Variants in ZSWIM6 observed in about 807,000 individuals in gnomAD.
ZSWIM6 encodes the protein zinc finger SWIM domain-containing protein 6.
Under a neutral mutation model 113.2 loss-of-function variants are expected in ZSWIM6, and 9 were observed. The observed-to-expected ratio is 0.08, with a 90% CI of 0.05 to 0.14. The LOEUF (loss-of-function observed/expected upper bound fraction) is 0.14. ZSWIM6 is among the 10% of genes least tolerant of loss of function. The probability of loss-of-function intolerance (pLI) is 1.00; values close to 1 mark genes in which losing one functional copy is unlikely to be tolerated. For missense variants in ZSWIM6, 1,162 were observed against 1,552.2 expected (o/e 0.75, Z 4.22); for synonymous variants, 611 against 606.5 (o/e 1.01, Z -0.11).
intron 8 of ZSWIM6, 56 bp from the exon 9 acceptor site, chr5:61,531,409 C>G (rs1749425913): frequency 2.0e-6 from 3 of 1,508,140 alleles, no homozygotes; most frequent in Admixed American, 4.2e-5. Context: ...TTGTACTTAT[C>G]ATATCATCTG....
chr5:61,404,337 A>G (rs959690229), intron 1 of ZSWIM6, among the ~76,000 whole-genome samples: 3 of 152,074 alleles, frequency 2.0e-5, no homozygotes, highest in Non-Finnish European at 4.4e-5. Context: ...TTAAATTTTT[A>G]TTTACTTTCC....
intron 1 of ZSWIM6, among the ~76,000 whole-genome samples, chr5:61,444,800 G>C (rs1746915355): frequency 6.6e-6 from 1 of 152,126 alleles, no homozygotes; most frequent in East Asian, 1.9e-4. Flanking sequence ...GGCCTAGAGG[G>C]ATTGAATAGC....
chr5:61,479,232 CT>C (rs1012764743), intron 2 of ZSWIM6, among the ~76,000 whole-genome samples: 14 of 148,150 alleles, frequency 9.4e-5, no homozygotes, highest in Admixed American at 2.7e-4. Flanking sequence ...ACAGGGGATC[CT>C]TTTTTTTTTC....
At chr5:61,391,672 A>G in intron 1 of ZSWIM6, 1 of 1,036,794 alleles carries the variant, frequency 9.6e-7, no homozygotes, top group East Asian at 2.4e-5. Context: ...CTTCTTGTTC[A>G]CCTTGGATCC....
intron 13 of ZSWIM6, among the ~76,000 whole-genome samples, chr5:61,542,569 G>A (rs1309935976): frequency 6.6e-6 from 1 of 152,148 alleles, no homozygotes; most frequent in Non-Finnish European, 1.5e-5. Context: ...GCATCAGAAA[G>A]GGATACATAC....
At chr5:61,333,318 C>G (rs1202817515) in intron 1 of ZSWIM6, among the ~76,000 whole-genome samples, 2 of 151,256 alleles carry the variant, frequency 1.3e-5, no homozygotes, top group Admixed American at 1.3e-4. Context: ...CGGCCTCCGG[C>G]GAGGGTGTGT....
At chr5:61,422,285 G>A (rs1746369101) in intron 1 of ZSWIM6, among the ~76,000 whole-genome samples, 1 of 152,128 alleles carries the variant, frequency 6.6e-6, no homozygotes. Flanking sequence ...TTTTGCATAT[G>A]GATATCTAAT....
intron 1 of ZSWIM6, among the ~76,000 whole-genome samples, chr5:61,358,587 G>A (rs1744969437): frequency 6.6e-6 from 1 of 152,126 alleles, no homozygotes; most frequent in South Asian, 2.1e-4. Flanking sequence ...AAAGTTCTGT[G>A]TTTTCATTCA....
At chr5:61,343,719 TATA>T (rs1268053626) in intron 1 of ZSWIM6, among the ~76,000 whole-genome samples, 1 of 152,178 alleles carries the variant, frequency 6.6e-6, no homozygotes, top group African/African-American at 2.4e-5. Flanking sequence ...TTGTGATTTT[TATA>T]ATAAGTACTT....
Position 61,518,311 on chromosome 5 carries a change from G to C in ZSWIM6, c.1334-2952G>C, listed in dbSNP as rs1354071408. ...TCCTTTGGGTATATACCCACTAATGGGATGGCTGGGTCAAATGGTATTTCT... is the reference window on the plus strand; with the variant it reads ...TCCTTTGGGTATATACCCACTAATGCGATGGCTGGGTCAAATGGTATTTCT... On this transcript the variant is annotated intron_variant, in intron 4 of 13. Transcript: ENST00000252744. Among the ~76,000 whole-genome samples, 14 of 151,732 alleles carry C rather than the reference G, an allele frequency of 9.2e-5. No individual in the cohort carries two copies. The East Asian group carries it at 2.5e-3, about 27-fold the overall frequency.
intron 4 of ZSWIM6, among the ~76,000 whole-genome samples, chr5:61,502,386 G>T (rs1816091): frequency 6.6e-6 from 1 of 152,082 alleles, no homozygotes; most frequent in Non-Finnish European, 1.5e-5. Context: ...TGTCCTTAGA[G>T]GGGGGTGTTC....
intron 1 of ZSWIM6, among the ~76,000 whole-genome samples, chr5:61,433,725 C>T (rs1218557759): frequency 9.9e-5 from 15 of 151,984 alleles, no homozygotes; most frequent in Non-Finnish European, 1.8e-4. Flanking sequence ...CCACCTGCCT[C>T]GGCCTCCCAA....
In ZSWIM6 at chr5:61,332,901, G is replaced by C. The variant is rs1273033680; in HGVS notation, c.629G>C (p.Gly210Ala). 3 of 1,355,116 alleles carry C rather than the reference G, an allele frequency of 2.2e-6. No homozygotes were observed. The highest frequency in any genetic ancestry group is 2.9e-6 in the Non-Finnish European group (3 of 1,040,954). 83.9% of individuals were successfully genotyped at this position (1,355,116 alleles called of 1,614,324 possible). ...GDETRLPFRR[G>A]IALLESGCVD... ...GAGACGCGGCTGCCTTTCCGCCGGG[G>C]CATCGCGCTGTTGGAAAGCGGCTGC... The change falls in exon 1 of 14, where the codon GGC becomes GCC. Residue 210 changes from glycine (G) to alanine (A), a missense_variant. Gly to Ala is a moderately conservative substitution (Grantham distance 60). Transcript: ENST00000252744.
At chr5:61,335,567 GA>G (rs1358737873) in intron 1 of ZSWIM6, among the ~76,000 whole-genome samples, 1 of 152,204 alleles carries the variant, frequency 6.6e-6, no homozygotes, top group African/African-American at 2.4e-5. Context: ...ATTTGAGGTA[GA>G]ACGCTTTTGT....
chr5:61,431,523 A>T (rs978080798), intron 1 of ZSWIM6, among the ~76,000 whole-genome samples: 4 of 151,966 alleles, frequency 2.6e-5, no homozygotes, highest in African/African-American at 9.7e-5. Context: ...AGGCAGGCAG[A>T]TCACAAGGTC....
chr5:61,457,504 TG>T (rs1397643657), intron 1 of ZSWIM6, among the ~76,000 whole-genome samples: 1 of 152,130 alleles, frequency 6.6e-6, no homozygotes, highest in Non-Finnish European at 1.5e-5. Flanking sequence ...ACTAAATAAG[TG>T]GCCCCTCTAT....
chr5:61,412,480 T>G (rs995071468), intron 1 of ZSWIM6, among the ~76,000 whole-genome samples: 2 of 152,232 alleles, frequency 1.3e-5, no homozygotes, highest in Non-Finnish European at 2.9e-5. Flanking sequence ...ATTGTTTATG[T>G]TATTTGGGGC....
At chr5:61,514,198 C>T (rs1270571297) in intron 4 of ZSWIM6, among the ~76,000 whole-genome samples, 1 of 150,448 alleles carries the variant, frequency 6.6e-6, no homozygotes, top group Non-Finnish European at 1.5e-5. Flanking sequence ...ATAAATAGTA[C>T]TTTGTGGGTA....
intron 1 of ZSWIM6, among the ~76,000 whole-genome samples, chr5:61,358,174 C>T (rs1184339725): frequency 1.3e-5 from 2 of 152,090 alleles, no homozygotes; most frequent in Non-Finnish European, 1.5e-5. Flanking sequence ...TGTGATTATA[C>T]ATGGCTGATA....
Sources: gnomAD v4.1 joint callset for allele counts (sites outside exome capture counted in the v4.1 genomes callset) on GRCh38, gnomAD v4.1.1 for gene constraint, MANE v1.5 for transcripts, NCBI Gene and HGNC (gene_info 2026-07-23, HGNC 2026-07-21) for gene names.